Variants in PYGO1 observed in about 807,000 individuals in gnomAD.
The protein encoded by PYGO1 is pygopus family PHD finger 1.
A neutral mutation model predicts 29.5 loss-of-function variants in PYGO1; 6 were observed. The ratio of observed to expected loss-of-function variants is 0.20; its 90% confidence interval spans 0.11 to 0.40. The LOEUF is 0.40. PYGO1 is among the 10% of genes least tolerant of loss of function. The pLI is 1.00. For missense variants in PYGO1, 515 were observed against 514.9 expected, an observed-to-expected ratio of 1.00 and a Z score of 0.00; for synonymous variants, 186 against 180.5, an observed-to-expected ratio of 1.03 and a Z score of -0.24.
intron 1 of PYGO1, among the ~76,000 whole-genome samples, chr15:55,573,851 G>C (rs148201084): frequency 3.7e-4 from 56 of 152,232 alleles, no homozygotes; most frequent in African/African-American, 9.4e-4. Context: ...AAGTAGGCTA[G>C]AGAAAAGATA....
At chr15:55,570,185 C>T (rs2058974583) in intron 1 of PYGO1, among the ~76,000 whole-genome samples, 1 of 152,118 alleles carries the variant, frequency 6.6e-6, no homozygotes. Context: ...CCAGTGTTCT[C>T]CTCTCTGGGA....
At chr15:55,563,271 A>G (rs1183251017) in intron 1 of PYGO1, among the ~76,000 whole-genome samples, 3 of 151,474 alleles carry the variant, frequency 2.0e-5, no homozygotes, top group Admixed American at 2.0e-4. Context: ...TAACTGAAAA[A>G]CGGCCAAAGG....
At chr15:55,565,523 G>T (rs1213951935) in intron 1 of PYGO1, among the ~76,000 whole-genome samples, 1 of 151,626 alleles carries the variant, frequency 6.6e-6, no homozygotes, top group African/African-American at 2.4e-5. Context: ...GACCAACATG[G>T]TGAAACCCCA....
chr15:55,546,011 T>C lies in PYGO1; in HGVS notation c.*12A>G. ...CACAGGAAAATAAACCCACTTTAGT[T>C]AATGCCTTTGATTAAGCATCACTGC... On this transcript the variant is annotated 3_prime_UTR_variant, in exon 3 of 3. Transcript: ENST00000563719. 1 of 1,579,308 alleles carries C rather than the reference T, an allele frequency of 6.3e-7. No individual in the cohort carries two copies. Among genetic ancestry groups the C allele is most frequent in the Non-Finnish European group, 8.6e-7 (1 of 1,159,428 alleles).
Position 55,546,690 on chromosome 15 carries a change from G to T in PYGO1, c.593C>A (p.Pro198His), listed in dbSNP as rs147976957. ...AGGAACAAAATTAGATGCCAAATCG[G>T]GGTTAGAAACTTGGCTAGCATTCTG... ...PPQNASQVSN[P>H]DLASNFVPGN... Residue 198 changes from proline (P) to histidine (H), a missense_variant, in exon 3 of 3, where the codon CCC becomes CAC. Transcript: ENST00000563719. The T allele has an allele frequency of 1.1e-4, 179 of 1,613,870 alleles. No homozygotes were observed. Among genetic ancestry groups the T allele is most frequent in the Non-Finnish European group, 1.5e-4 (176 of 1,179,912 alleles).
At chr15:55,547,172 T>C in intron 2 of PYGO1, 25 bp from the exon 3 acceptor site, 1 of 1,541,306 alleles carries the variant, frequency 6.5e-7, no homozygotes, top group Non-Finnish European at 8.7e-7. Context: ...TAAAGTAAAA[T>C]ACATGTTTTC....
At position 55,543,452 on chromosome 15, in the gene PYGO1, G is replaced by C. The variant is rs1480897456; in HGVS notation, c.*2571C>G. The C allele has an allele frequency of 1.3e-5, 2 of 152,070 alleles. No homozygotes were observed. The highest frequency in any genetic ancestry group is 2.9e-5 in the Non-Finnish European group (2 of 67,988). The allele number at this position is 152,070 out of a possible 1,614,324, so 9.4% of individuals were successfully genotyped here. On this transcript the variant is annotated 3_prime_UTR_variant, in exon 3 of 3. Transcript: ENST00000563719. ...AGAATGAACCGTGAGTTTTTCTTTT[G>C]AATATTTACAGATTCTTATTTAAGT...
chr15:55,542,275 A>G lies in PYGO1; in HGVS notation c.*3748T>C, dbSNP rs985977140. 13 of 152,358 alleles carry G rather than the reference A, an allele frequency of 8.5e-5. No individual in the cohort carries two copies. Among genetic ancestry groups the G allele is most frequent in the Non-Finnish European group, 1.3e-4 (9 of 68,032 alleles). 9.4% of individuals were successfully genotyped at this position (152,358 alleles called of 1,614,324 possible). On this transcript the variant is annotated 3_prime_UTR_variant, in exon 3 of 3. Coordinates refer to ENST00000563719, the MANE Select transcript of PYGO1 (RefSeq NM_001367806.1). ...GTTGGCAGATTTTATGATGACCCAC[A>G]CTATTAAGAGGTTTTTCTGCCACTA... is the stretch of plus-strand genomic sequence containing the variant.
intron 1 of PYGO1, among the ~76,000 whole-genome samples, chr15:55,553,101 A>G (rs1297130063): frequency 6.6e-6 from 1 of 152,200 alleles, no homozygotes; most frequent in Non-Finnish European, 1.5e-5. Flanking sequence ...AGTGCTCTAC[A>G]ATGCAGCACA....
intron 1 of PYGO1, among the ~76,000 whole-genome samples, chr15:55,552,117 G>T (rs2058881352): frequency 6.6e-6 from 1 of 151,982 alleles, no homozygotes; most frequent in African/African-American, 2.4e-5. Context: ...CACTTTGGGA[G>T]GCCGAGGCAG....
chr15:55,574,006 T>C (rs2058990951), intron 1 of PYGO1, among the ~76,000 whole-genome samples: 1 of 152,238 alleles, frequency 6.6e-6, no homozygotes, highest in Non-Finnish European at 1.5e-5. Flanking sequence ...ACGGTATATA[T>C]CAAGCAATTC....
intron 1 of PYGO1, among the ~76,000 whole-genome samples, chr15:55,574,725 T>C (rs937948357): frequency 1.3e-5 from 2 of 152,174 alleles, no homozygotes; most frequent in Non-Finnish European, 2.9e-5. Flanking sequence ...GATATCTTTA[T>C]AAGGACAGCT....
chr15:55,588,132 G>A lies in PYGO1; in HGVS notation c.-249C>T. On this transcript the variant is annotated 5_prime_UTR_variant, in exon 1 of 3. Coordinates refer to ENST00000563719, the MANE Select transcript of PYGO1 (RefSeq NM_001367806.1). ...GGGCTCAGCGGCGGTGGCCGGGAGC[G>A]CGGCCTGGGGGCGGCCCCCCACCCG... is the stretch of plus-strand genomic sequence containing the variant. 7.3e-6 allele frequency: 6 copies of A among 820,146 alleles called. No homozygotes were observed. The highest frequency in any genetic ancestry group is 8.8e-6 in the Non-Finnish European group (6 of 681,192). 50.8% of individuals were successfully genotyped at this position (820,146 alleles called of 1,614,324 possible).
At chr15:55,567,194 C>T (rs961575007) in intron 1 of PYGO1, among the ~76,000 whole-genome samples, 2 of 46,600 alleles carry the variant, frequency 4.3e-5, no homozygotes, top group Non-Finnish European at 1.1e-4. Context: ...GTCTTTTGCC[C>T]ACCTTTTTTT....
At chr15:55,588,471 G>A (rs913345349), upstream of PYGO1, among the ~76,000 whole-genome samples, 1 of 147,702 alleles carries the variant, frequency 6.8e-6, no homozygotes, top group African/African-American at 2.4e-5. Flanking sequence ...CGGGGGGCGG[G>A]GGCCGCTGCC....
At chr15:55,584,679 G>A (rs1407472860) in intron 1 of PYGO1, among the ~76,000 whole-genome samples, 3 of 152,088 alleles carry the variant, frequency 2.0e-5, no homozygotes, top group African/African-American at 7.2e-5. Context: ...CATTTACTAT[G>A]GGCAAGGCAA....
chr15:55,547,035 G>A lies in PYGO1; in HGVS notation c.248C>T (p.Pro83Leu). The change falls in exon 3 of 3, where the codon CCA (proline) becomes CTA (leucine). Residue 83 changes from proline to leucine, a missense_variant. Pro to Leu is a moderately conservative substitution (Grantham distance 98). Coordinates refer to ENST00000563719, the MANE Select transcript of PYGO1 (RefSeq NM_001367806.1). ...DDNYNTISYK[P>L]LPSSNPYLGP... is the part of the protein sequence containing the mutation. Reference sequence around the variant, plus strand: ...AAGATATGGATTTGACGAAGGTAGTGGTTTATAGGAAATAGTATTATAGTT... The same window carrying A: ...AAGATATGGATTTGACGAAGGTAGTAGTTTATAGGAAATAGTATTATAGTT... The A allele has an allele frequency of 1.2e-6, 2 of 1,613,888 alleles. No individual in the cohort carries two copies. Among genetic ancestry groups the A allele is most frequent in the Non-Finnish European group, 1.7e-6 (2 of 1,179,846 alleles).
intron 1 of PYGO1, among the ~76,000 whole-genome samples, chr15:55,567,684 C>T (rs931868651): frequency 6.6e-6 from 1 of 152,100 alleles, no homozygotes; most frequent in African/African-American, 2.4e-5. Flanking sequence ...TTTTGCAAGA[C>T]TGTTGTCCAG....
At chr15:55,578,564 A>G (rs754555443) in intron 1 of PYGO1, among the ~76,000 whole-genome samples, 3 of 152,170 alleles carry the variant, frequency 2.0e-5, no homozygotes, top group Non-Finnish European at 4.4e-5. Context: ...ATATAAAGTG[A>G]TATCTCACTG....
Sources: gnomAD v4.1 joint callset for allele counts (sites outside exome capture counted in the v4.1 genomes callset) on GRCh38, gnomAD v4.1.1 for gene constraint, MANE v1.5 for transcripts, NCBI Gene and HGNC (gene_info 2026-07-23, HGNC 2026-07-21) for gene names.